Variants in TTC6 observed in about 807,000 individuals in gnomAD.
TTC6 encodes tetratricopeptide repeat domain 6.
A neutral mutation model predicts 210.4 loss-of-function variants in TTC6; 172 were observed. The observed-to-expected ratio is 0.82, with a 90% CI of 0.72 to 0.93. The LOEUF is 0.93. TTC6 is among the 40% of genes least tolerant of loss of function. The pLI is 0.00. For missense variants in TTC6, 2,414 were observed against 2,318.1 expected, an observed-to-expected ratio of 1.04 and a Z score of -0.85; for synonymous variants, 804 against 819.6, an observed-to-expected ratio of 0.98 and a Z score of 0.32.
At chr14:37,735,805 A>G (rs147258011) in intron 7 of TTC6, 116 bp from the exon 10 acceptor site, 3 of 579,616 alleles carry the variant, frequency 5.2e-6, no homozygotes, top group Admixed American at 7.0e-5. Context: ...TACTACTTTC[A>G]TATGTTTTCT....
At chr14:37,825,069 A>T (rs1216288781) in intron 27 of TTC6, among the ~76,000 whole-genome samples, 1 of 152,190 alleles carries the variant, frequency 6.6e-6, no homozygotes, top group Admixed American at 6.6e-5. Flanking sequence ...GAGGACTGCA[A>T]AAGGAGAGTT....
chr14:37,806,465 T>G, exon 22 of TTC6: 1 of 1,535,172 alleles, frequency 6.5e-7, no homozygotes, highest in Non-Finnish European at 8.7e-7. Context: ...ATAGCTCGAT[T>G]CTGGATTTTA....
intron 5 of TTC6, among the ~76,000 whole-genome samples, chr14:37,706,107 G>A (rs140276773): frequency 6.9e-4 from 105 of 152,216 alleles, no homozygotes; most frequent in Middle Eastern, 6.8e-3. Flanking sequence ...TGGTTACCCC[G>A]TATGTATGTG....
chr14:37,749,827 T>C, exon 12 of TTC6: 1 of 1,401,208 alleles, frequency 7.1e-7, no homozygotes, highest in South Asian at 1.7e-5. Flanking sequence ...TACATAAATA[T>C]AATAAAAATA....
intron 19 of TTC6, 133 bp downstream of exon 21, chr14:37,796,503 T>C: frequency 1.9e-6 from 1 of 533,724 alleles, no homozygotes; most frequent in Non-Finnish European, 3.2e-6. Context: ...TAGTTTTATA[T>C]GTACATTGCC....
intron 20 of TTC6, among the ~76,000 whole-genome samples, chr14:37,801,925 T>C (rs567475464): frequency 1.4e-3 from 212 of 152,290 alleles, no homozygotes; most frequent in South Asian, 0.011. Context: ...AATCATTCTG[T>C]TACAAAGATA....
At chr14:37,778,627 C>T (rs982811781) in intron 14 of TTC6, among the ~76,000 whole-genome samples, 3 of 151,976 alleles carry the variant, frequency 2.0e-5, no homozygotes, top group Non-Finnish European at 4.4e-5. Context: ...GTTGGGGAGG[C>T]CCTGGTGGAG....
At chr14:37,630,390 T>C (rs2095667328) in intron 1 of TTC6, among the ~76,000 whole-genome samples, 1 of 152,222 alleles carries the variant, frequency 6.6e-6, no homozygotes, top group Admixed American at 6.5e-5. Flanking sequence ...TTGTGCAGTT[T>C]TGAGTGAGTT....
chr14:37,644,935 G>A (rs767235892), intron 1 of TTC6, among the ~76,000 whole-genome samples: 11 of 152,064 alleles, frequency 7.2e-5, no homozygotes, highest in African/African-American at 1.7e-4. Flanking sequence ...CTGTTCAATA[G>A]GGCTAATAAT....
At chr14:37,750,842 A>G (rs2095949628) in intron 12 of TTC6, among the ~76,000 whole-genome samples, 1 of 152,122 alleles carries the variant, frequency 6.6e-6, no homozygotes, top group South Asian at 2.1e-4. Context: ...GTGAGCCATG[A>G]TTGTGCCACT....
chr14:37,791,937 C>T (rs762810294), intron 16 of TTC6, among the ~76,000 whole-genome samples: 3 of 152,108 alleles, frequency 2.0e-5, no homozygotes, highest in Non-Finnish European at 4.4e-5. Context: ...GGTAAAGACT[C>T]TTTAGTTGAG....
chr14:37,651,274 T>G (rs1017111673), intron 1 of TTC6, among the ~76,000 whole-genome samples: 3 of 150,862 alleles, frequency 2.0e-5, no homozygotes, highest in Non-Finnish European at 4.4e-5. Flanking sequence ...TCAACACAAT[T>G]CATACATTGT....
chr14:37,832,374 G>A (rs1418493589), intron 29 of TTC6, among the ~76,000 whole-genome samples: 5 of 38,816 alleles, frequency 1.3e-4, no homozygotes, highest in Non-Finnish European at 1.1e-4. Context: ...GGCTTGGCTA[G>A]TTCTTGCTTT....
At chr14:37,674,720 A>G (rs1057448657) in intron 1 of TTC6, among the ~76,000 whole-genome samples, 4 of 152,148 alleles carry the variant, frequency 2.6e-5, no homozygotes, top group African/African-American at 7.2e-5. Flanking sequence ...TTGACTTATA[A>G]ATTAATGGAT....
intron 1 of TTC6, among the ~76,000 whole-genome samples, chr14:37,663,585 AC>A (rs965685854): frequency 7.8e-4 from 118 of 152,224 alleles, no homozygotes; most frequent in African/African-American, 2.7e-3. Flanking sequence ...TCAAATTCAA[AC>A]TTTTTTACCT....
intron 10 of TTC6, among the ~76,000 whole-genome samples, chr14:37,743,904 A>G (rs2095928339): frequency 1.3e-5 from 2 of 152,194 alleles, no homozygotes; most frequent in East Asian, 1.9e-4. Flanking sequence ...GCAAATGTGG[A>G]TGGGACATAG....
intron 1 of TTC6, among the ~76,000 whole-genome samples, chr14:37,672,456 C>A (rs1360927686): frequency 6.6e-6 from 1 of 152,048 alleles, no homozygotes; most frequent in Non-Finnish European, 1.5e-5. Flanking sequence ...ACTGAAACTT[C>A]TTCAGGGAAA....
At chr14:37,623,298 C>T (rs2095654914) in intron 1 of TTC6, among the ~76,000 whole-genome samples, 1 of 152,142 alleles carries the variant, frequency 6.6e-6, no homozygotes, top group East Asian at 1.9e-4. Context: ...TAGGAGCCTT[C>T]CCCTTCAAAG....
At chr14:37,783,950 T>C (rs530316974) in intron 14 of TTC6, among the ~76,000 whole-genome samples, 86 of 152,296 alleles carry the variant, frequency 5.6e-4, no homozygotes, top group African/African-American at 1.9e-3. Context: ...TTTGAGTGAG[T>C]TTCTTAATCC....
Sources: allele counts gnomAD v4.1 joint callset (sites outside exome capture counted in the v4.1 genomes callset), GRCh38; gene constraint gnomAD v4.1.1; transcripts MANE v1.5; gene names NCBI Gene and HGNC (gene_info 2026-07-23, HGNC 2026-07-21).